The following NFAM1 variants were observed in gnomAD, a reference collection of about 807,000 sequenced individuals.
NFAM1 encodes the protein NFAT activation molecule 1.
NFAM1 carries 17 observed loss-of-function variants against 29.0 expected under a neutral mutation model. The observed-to-expected ratio is 0.59, with a 90% CI of 0.40 to 0.88. NFAM1 has a LOEUF of 0.88. Among genes scored for constraint, NFAM1 ranks in the 40% least tolerant of loss-of-function variants. The pLI, the probability that NFAM1 is intolerant of heterozygous loss-of-function variation, is 0.00. For synonymous variants in NFAM1, 175 were observed against 147.2 expected, an observed-to-expected ratio of 1.19 and a Z score of -1.36; for missense variants, 324 against 344.6, an observed-to-expected ratio of 0.94 and a Z score of 0.47.
In NFAM1 at chr22:42,419,432, C is replaced by A. The variant is rs1170013047; in HGVS notation, c.122-7696G>T. ...AAAATAGAACATGAAGCATTTCATG[C>A]GTAGTAAGGGCACTGTTTGCGACCT... On this transcript the variant is annotated intron_variant, in intron 1 of 5. Transcript: ENST00000329021. This position sits in a 1 kb window ranked among gnomAD's most constrained non-coding sequence, Gnocchi z 4.5. Among the ~76,000 whole-genome samples the A allele has an allele frequency of 6.6e-6, 1 of 152,202 alleles. No individual in the cohort carries two copies. The highest frequency in any genetic ancestry group is 2.4e-5 in the African/African-American group (1 of 41,450).
chr22:42,406,787 T>C lies in NFAM1; in HGVS notation c.564+2648A>G, dbSNP rs1220272665. On this transcript the variant is annotated intron_variant, in intron 3 of 5. Coordinates refer to ENST00000329021, the MANE Select transcript of NFAM1 (RefSeq NM_145912.8). ...ATTTCCTTTCTTTTCTTTTTCCTTT[T>C]TTTTTGAGACAGAGTCTCACTCTGT... Among the ~76,000 whole-genome samples the C allele has an allele frequency of 3.3e-5, 5 of 152,234 alleles. No individual in the cohort carries two copies. In the East Asian group the frequency reaches 7.7e-4, roughly 23 times the overall value.
upstream of NFAM1, among the ~76,000 whole-genome samples, chr22:42,436,742 T>G (rs55896880): frequency 0.016 from 2,421 of 152,330 alleles, 35 homozygotes; most frequent in Non-Finnish European, 0.024. Context: ...GTGTTATGAC[T>G]GCTCCTGCTT....
chr22:42,434,315 G>A (rs1447802508), upstream of NFAM1, among the ~76,000 whole-genome samples: 1 of 152,160 alleles, frequency 6.6e-6, no homozygotes, highest in African/African-American at 2.4e-5. Flanking sequence ...GAAGGCAGGT[G>A]CCCAACACCA....
intron 3 of NFAM1, among the ~76,000 whole-genome samples, chr22:42,400,798 G>A (rs912415364): frequency 1.3e-5 from 2 of 152,250 alleles, no homozygotes; most frequent in African/African-American, 4.8e-5. Flanking sequence ...GCACCTCAGT[G>A]CCTCCTCTTG....
chr22:42,397,736 G>T, intron 4 of NFAM1, 122 bp downstream of exon 4: 1 of 666,592 alleles, frequency 1.5e-6, no homozygotes, highest in Non-Finnish European at 2.7e-6. Flanking sequence ...TATAGATGAG[G>T]AACTTGAGGC....
chr22:42,391,175 A>G (rs1929327482), intron 4 of NFAM1, among the ~76,000 whole-genome samples: 1 of 152,144 alleles, frequency 6.6e-6, no homozygotes, highest in Non-Finnish European at 1.5e-5. Context: ...CTGCTCTCCC[A>G]GTCTTCCCCA....
Position 42,409,895 on chromosome 22 carries a change from G to C in NFAM1, c.452-348C>G, listed in dbSNP as rs1451294058. ...GTGTGAGGTGGTGATAATACGGGTGGATGTGGCTAGGGCTGAAGGAGGCGG... is the reference window on the plus strand; with the variant it reads ...GTGTGAGGTGGTGATAATACGGGTGCATGTGGCTAGGGCTGAAGGAGGCGG... On this transcript the variant is annotated intron_variant, in intron 2 of 5. Transcript: ENST00000329021. The surrounding 1 kb of genome is among the most constrained non-coding windows in gnomAD (Gnocchi z 4.9). Among the ~76,000 whole-genome samples the C allele has an allele frequency of 6.6e-6, 1 of 152,190 alleles. No homozygotes were observed. Among genetic ancestry groups the C allele is most frequent in the Non-Finnish European group, 1.5e-5 (1 of 68,038 alleles).
At position 42,386,783 on chromosome 22, in the gene NFAM1, G is replaced by A. The variant is rs573622840; in HGVS notation, c.753+206C>T. Among the ~76,000 whole-genome samples, 7 of 152,266 alleles carry A rather than the reference G, an allele frequency of 4.6e-5. No homozygotes were observed. In the East Asian group the frequency reaches 9.6e-4, roughly 21 times the overall value. ...CAGACACAGAGAAGTCAGACACCTC[G>A]GCCAGGGCTGCACAGTGGCTAAGGG... On this transcript the variant is annotated intron_variant, in intron 5 of 5. Coordinates refer to ENST00000329021, the MANE Select transcript of NFAM1 (RefSeq NM_145912.8).
intron 3 of NFAM1, among the ~76,000 whole-genome samples, chr22:42,401,374 C>G (rs1929721205): frequency 6.6e-6 from 1 of 152,160 alleles, no homozygotes; most frequent in Admixed American, 6.5e-5. Context: ...TGGTGTCTAC[C>G]CGAAGGGCAG....
At chr22:42,398,681 G>T (rs1006392870) in intron 3 of NFAM1, among the ~76,000 whole-genome samples, 1 of 152,144 alleles carries the variant, frequency 6.6e-6, no homozygotes, top group Non-Finnish European at 1.5e-5. Context: ...CCAAAATGCT[G>T]GGATTACAGG....
rs772432858 is a variant in NFAM1, at chr22:42,411,429, G to T, written c.429C>A (p.Ser143Arg). 7 of 1,613,378 alleles carry T rather than the reference G, an allele frequency of 4.3e-6. No homozygotes were observed. Among genetic ancestry groups the T allele is most frequent in the Non-Finnish European group, 8.5e-7 (1 of 1,179,554 alleles). ...TACCTCTGACCAGGATGAAGGTGCC[G>T]CTGCCTCTCACCGTGGAGTGTGGCC... ...VHWPHSTVRG[S>R]GTFILVRDAG... The change falls in exon 2 of 6, where the codon AGC becomes AGA. Residue 143 changes from serine to arginine, a missense_variant. Transcript: ENST00000329021.
intron 3 of NFAM1, among the ~76,000 whole-genome samples, chr22:42,398,377 T>TTTTA (rs1161763087): frequency 6.4e-5 from 9 of 140,812 alleles, no homozygotes; most frequent in East Asian, 2.1e-4. Context: ...TGGGCCTTGG[T>TTTTA]TTTATTTATT....
Position 42,432,245 on chromosome 22 carries a change from C to A in NFAM1, c.113G>T (p.Arg38Leu), listed in dbSNP as rs753923440. 2 of 1,572,226 alleles carry A rather than the reference C, an allele frequency of 1.3e-6. No individual in the cohort carries two copies. Among genetic ancestry groups the A allele is most frequent in the Non-Finnish European group, 1.7e-6 (2 of 1,158,340 alleles). ...LGVLLLPGTL[R>L]LAGGQSVTHT... ...AGGAAGACAGACACTACCTGCCAGT[C>A]GCAGGGTCCCGGGCAGCAGCAGCAC... Residue 38 changes from arginine (R) to leucine (L), a missense_variant, in exon 1 of 6, where the codon CGA (arginine) becomes CTA (leucine). Arg to Leu is a moderately radical substitution (Grantham distance 102). Coordinates refer to ENST00000329021, the MANE Select transcript of NFAM1 (RefSeq NM_145912.8).
chr22:42,436,095 C>T (rs1354978549), upstream of NFAM1, among the ~76,000 whole-genome samples: 6 of 152,192 alleles, frequency 3.9e-5, no homozygotes, highest in South Asian at 2.1e-4. Flanking sequence ...GCTGGGACTA[C>T]AGGCGTGAGC....
At chr22:42,396,811 G>GT (rs1337248332) in intron 4 of NFAM1, among the ~76,000 whole-genome samples, 1 of 152,222 alleles carries the variant, frequency 6.6e-6, no homozygotes, top group Non-Finnish European at 1.5e-5. Context: ...AGACAAGGCT[G>GT]TATCCTGGGC....
At chr22:42,407,234 AC>A (rs532320135) in intron 3 of NFAM1, among the ~76,000 whole-genome samples, 3 of 151,938 alleles carry the variant, frequency 2.0e-5, no homozygotes, top group Non-Finnish European at 4.4e-5. Flanking sequence ...AGCATGTGCC[AC>A]AATACCCAGC....
At chr22:42,402,330 C>A (rs185271892) in intron 3 of NFAM1, among the ~76,000 whole-genome samples, 5 of 152,146 alleles carry the variant, frequency 3.3e-5, no homozygotes, top group Non-Finnish European at 7.4e-5. Flanking sequence ...CATGAGGTGG[C>A]GGCACCCTCA....
At chr22:42,397,785 C>G in intron 4 of NFAM1, 73 bp downstream of exon 4, 1 of 866,418 alleles carries the variant, frequency 1.2e-6, no homozygotes, top group Non-Finnish European at 2.0e-6. Flanking sequence ...CTGAGCCAGA[C>G]AGACCCTGGT....
intron 3 of NFAM1, among the ~76,000 whole-genome samples, chr22:42,399,950 C>A (rs1929671665): frequency 1.3e-5 from 2 of 152,208 alleles, no homozygotes; most frequent in South Asian, 2.1e-4. Flanking sequence ...AGCATGGAGC[C>A]AGGTAGGGTT....
Sources: gnomAD v4.1 joint callset for allele counts (sites outside exome capture counted in the v4.1 genomes callset) on GRCh38, gnomAD v4.1.1 for gene constraint, Gnocchi (gnomAD v3.1) non-coding constraint, MANE v1.5 for transcripts, NCBI Gene and HGNC (gene_info 2026-07-23, HGNC 2026-07-21) for gene names.